Variants in SLC34A2 observed in about 807,000 individuals in gnomAD.
SLC34A2 encodes sodium-dependent phosphate transport protein 2B.
In SLC34A2, 41 loss-of-function variants were observed where a neutral mutation model predicts 50.8. That is an observed-to-expected ratio of 0.81 (90% confidence interval 0.63 to 1.05). The LOEUF (loss-of-function observed/expected upper bound fraction) is 1.05. SLC34A2 is among the 50% of genes least tolerant of loss of function. The probability of loss-of-function intolerance (pLI) is 0.00; values close to 1 mark genes in which losing one functional copy is unlikely to be tolerated. For synonymous variants in SLC34A2, 401 were observed against 364.2 expected (o/e 1.10, Z -1.15); for missense variants, 879 against 876.7 (o/e 1.00, Z -0.03).
intron 1 of SLC34A2, among the ~76,000 whole-genome samples, chr4:25,660,246 T>C (rs1405125189): frequency 1.3e-5 from 2 of 152,160 alleles, no homozygotes; most frequent in Non-Finnish European, 1.5e-5. Flanking sequence ...AGGAAATAGG[T>C]TGACGAAGAA....
Position 25,678,369 on chromosome 4 carries a change from G to T in SLC34A2, c.*1620G>T, listed in dbSNP as rs1274304305. 6.4e-6 allele frequency: 1 copy of T among 155,706 alleles called. No individual in the cohort carries two copies. Among genetic ancestry groups the T allele is most frequent in the Admixed American group, 6.3e-5 (1 of 15,910 alleles). The allele number at this position is 155,706 out of a possible 1,614,324, so 9.6% of individuals were successfully genotyped here. ...GCTTCTAGTGCTCTCATTTGGAAAT[G>T]AGGCAGGCTTCTTCTATGAAATGTA... On this transcript the variant is annotated 3_prime_UTR_variant, in exon 13 of 13. Coordinates refer to ENST00000382051, the MANE Select transcript of SLC34A2 (RefSeq NM_006424.3).
chr4:25,676,534 T>TGCTGCTGCC lies in SLC34A2; in HGVS notation c.1861_1869dup (p.Cys621_Arg623dup), dbSNP rs1560243805. The TGCTGCTGCC allele has an allele frequency of 1.9e-6, 3 of 1,613,702 alleles. No individual in the cohort carries two copies. Among genetic ancestry groups the TGCTGCTGCC allele is most frequent in the South Asian group, 2.2e-5 (2 of 91,084 alleles). ...CGGCTGCTTCCAGATGCGCTGCTGCTGCTGCTGCCGCGTGTGCTGCCGCGC... is the reference window on the plus strand; with the variant it reads ...CGGCTGCTTCCAGATGCGCTGCTGCTGCTGCTGCCGCTGCTGCCGCGTGTGCTGCCGCGC... On this transcript the variant is annotated inframe_insertion, in exon 13 of 13. Coordinates refer to ENST00000382051, the MANE Select transcript of SLC34A2 (RefSeq NM_006424.3).
intron 7 of SLC34A2, 40 bp downstream of exon 7, chr4:25,669,882 C>T (rs771614106): frequency 2.6e-6 from 4 of 1,520,280 alleles, no homozygotes; most frequent in Non-Finnish European, 3.7e-6. Flanking sequence ...GACTAACTTC[C>T]TACCCACAAC....
chr4:25,675,074 C>A (rs1168788780), intron 12 of SLC34A2, among the ~76,000 whole-genome samples: 1 of 151,940 alleles, frequency 6.6e-6, no homozygotes, highest in African/African-American at 2.4e-5. Context: ...CACTGTAGCC[C>A]AGGCTGGAGT....
chr4:25,671,140 G>A (rs1389778866), intron 8 of SLC34A2, among the ~76,000 whole-genome samples: 1 of 152,096 alleles, frequency 6.6e-6, no homozygotes, highest in Non-Finnish European at 1.5e-5. Flanking sequence ...TCTCATTTTT[G>A]GAGAGACTTG....
At chr4:25,665,899 CAG>C (rs1714469434) in intron 4 of SLC34A2, among the ~76,000 whole-genome samples, 2 of 152,086 alleles carry the variant, frequency 1.3e-5, no homozygotes, top group African/African-American at 4.8e-5. Context: ...GGCAGAGAGA[CAG>C]AGACAGGAGG....
chr4:25,669,436 G>T (rs1304415273), intron 6 of SLC34A2, among the ~76,000 whole-genome samples: 5 of 152,180 alleles, frequency 3.3e-5, no homozygotes, highest in Non-Finnish European at 7.3e-5. Flanking sequence ...CATGCTTGCT[G>T]GCCCGCAGCT....
intron 6 of SLC34A2, among the ~76,000 whole-genome samples, chr4:25,668,893 T>TG (rs1192874953): frequency 6.6e-6 from 1 of 151,266 alleles, no homozygotes; most frequent in African/African-American, 2.4e-5. Flanking sequence ...CTAGCTAGTT[T>TG]TTTTTTTTTT....
In SLC34A2 at chr4:25,676,743, C is replaced by T; in HGVS notation, c.2067C>T (p.Ala689=). 6.2e-7 allele frequency: 1 copy of T among 1,614,136 alleles called. No homozygotes were observed. The highest frequency in any genetic ancestry group is 2.2e-5 in the East Asian group (1 of 44,876). ...CGGACTCAAAGACCGAATGCACGGC[C>T]TTGTAGGGGACGCCCCAGATTGTCA... is the stretch of plus-strand genomic sequence containing the variant. ...PASDSKTECT[A]L Residue 689 remains alanine (A), a synonymous_variant, in exon 13 of 13, where the codon GCC becomes GCT. Transcript: ENST00000382051.
chr4:25,658,482 G>A (rs373778216), intron 1 of SLC34A2, among the ~76,000 whole-genome samples: 8 of 152,186 alleles, frequency 5.3e-5, no homozygotes, highest in Admixed American at 3.3e-4. Context: ...CAAACAATGC[G>A]AATGTAGGGG....
intron 1 of SLC34A2, among the ~76,000 whole-genome samples, chr4:25,658,783 C>CTT (rs1215557155): frequency 6.6e-6 from 1 of 152,160 alleles, no homozygotes; most frequent in Non-Finnish European, 1.5e-5. Context: ...GGAGTGAGGC[C>CTT]TTGGGAAGGC....
rs143406277 is a variant in SLC34A2, at chr4:25,658,727, A to T, written c.-4+2837A>T. Among the ~76,000 whole-genome samples the T allele has an allele frequency of 5.3e-3, 800 of 152,198 alleles. 1 individual carries two copies. The highest frequency in any genetic ancestry group is 6.8e-3 in the Non-Finnish European group (464 of 68,002). On this transcript the variant is annotated intron_variant, in intron 1 of 12. Coordinates refer to ENST00000382051, the MANE Select transcript of SLC34A2 (RefSeq NM_006424.3). ...TTTAGTAAAAAGCTTCCAAATGATG[A>T]CTTCTCCCTTCCTCTGCTGCTTCTG...
At chr4:25,656,731 T>C (rs781274076) in intron 1 of SLC34A2, among the ~76,000 whole-genome samples, 1 of 152,172 alleles carries the variant, frequency 6.6e-6, no homozygotes, top group Non-Finnish European at 1.5e-5. Context: ...CTGAAGAGAG[T>C]TGGAATCTCG....
intron 12 of SLC34A2, among the ~76,000 whole-genome samples, 177 bp downstream of exon 12, chr4:25,674,806 T>C (rs910561542): frequency 6.6e-6 from 1 of 152,204 alleles, no homozygotes; most frequent in African/African-American, 2.4e-5. Context: ...CAATCAAAAC[T>C]ATCAGTTCTG....
At position 25,673,087 on chromosome 4, in the gene SLC34A2, G is replaced by A; in HGVS notation, c.1049G>A (p.Cys350Tyr). The change falls in exon 10 of 13, where the codon TGC (cysteine) becomes TAC (tyrosine). Residue 350 changes from cysteine (C) to tyrosine (Y), a missense_variant and splice_region_variant. Transcript: ENST00000382051. ...GACAAGATTCTTTGTGGTCTTTCAG[G>A]CCAGCATATCTTTGTGAATTTCCAC... ...NVTYKENIAK[C>Y]QHIFVNFHLP... The A allele has an allele frequency of 6.2e-7, 1 of 1,614,096 alleles. No homozygotes were observed. Among genetic ancestry groups the A allele is most frequent in the Non-Finnish European group, 8.5e-7 (1 of 1,180,032 alleles).
intron 5 of SLC34A2, 24 bp from the exon 6 acceptor site, chr4:25,667,856 T>G: frequency 6.6e-7 from 1 of 1,524,654 alleles, no homozygotes; most frequent in Non-Finnish European, 9.1e-7. Flanking sequence ...CTAAGCTTGC[T>G]AATGGTACTT....
chr4:25,667,466 C>T (rs1284623702), intron 5 of SLC34A2, among the ~76,000 whole-genome samples: 4 of 152,114 alleles, frequency 2.6e-5, no homozygotes, highest in Admixed American at 2.6e-4. Context: ...GAGCTGAGAT[C>T]GAGCCACTGC....
At chr4:25,664,721 G>C (rs1300181138) in intron 4 of SLC34A2, among the ~76,000 whole-genome samples, 1 of 152,132 alleles carries the variant, frequency 6.6e-6, no homozygotes, top group African/African-American at 2.4e-5. Context: ...CTTGCTGGGG[G>C]AAGGACAGGG....
chr4:25,661,546 C>G (rs1415697895), intron 1 of SLC34A2, among the ~76,000 whole-genome samples: 1 of 152,112 alleles, frequency 6.6e-6, no homozygotes, highest in East Asian at 1.9e-4. Flanking sequence ...CACCACCATC[C>G]CCTGCTAATT....
Sources: allele counts gnomAD v4.1 joint callset (sites outside exome capture counted in the v4.1 genomes callset), GRCh38; gene constraint gnomAD v4.1.1; transcripts MANE v1.5; gene names NCBI Gene and HGNC (gene_info 2026-07-23, HGNC 2026-07-21).